The following CORIN variants were observed in gnomAD, a reference collection of about 807,000 sequenced individuals.
CORIN encodes the protein corin, serine peptidase.
Under a neutral mutation model 125.3 loss-of-function variants are expected in CORIN, and 117 were observed. That is an observed-to-expected ratio of 0.93 (90% CI 0.80 to 1.09). CORIN has a LOEUF of 1.09. Among genes scored for constraint, CORIN ranks in the 50% least tolerant of loss-of-function variants. The pLI, the probability that CORIN is intolerant of heterozygous loss-of-function variation, is 0.00. For synonymous variants in CORIN, 450 were observed against 466.4 expected (o/e 0.96, Z 0.45); for missense variants, 1,253 against 1,306.7 (o/e 0.96, Z 0.63).
At chr4:47,714,543 T>C (rs1244333015) in intron 5 of CORIN, among the ~76,000 whole-genome samples, 2 of 152,178 alleles carry the variant, frequency 1.3e-5, no homozygotes, top group South Asian at 2.1e-4. Context: ...TAATGTCCAA[T>C]TCAGAGTTAA....
At chr4:47,603,724 A>T in intron 19 of CORIN, 56 bp from the exon 20 acceptor site, 1 of 1,549,512 alleles carries the variant, frequency 6.5e-7, no homozygotes, top group Non-Finnish European at 8.8e-7. Context: ...ATCATGTGAA[A>T]TTCACATGTA....
intron 1 of CORIN, 25 bp downstream of exon 1, chr4:47,837,862 T>C (rs1417110678): frequency 3.7e-6 from 6 of 1,604,962 alleles, no homozygotes; most frequent in East Asian, 2.2e-5. Context: ...CTGGCTGCGG[T>C]AGGACAGCGA....
rs1553905923 is a variant in CORIN, at chr4:47,632,757, A to ATAGATAGATAGATAGAT, written c.2199-6237_2199-6236insATCTATCTATCTATCTA. The stretch of plus-strand genomic sequence containing the variant: ...TAGATAGATAGATAGATAGATAGAT[A>ATAGATAGATAGATAGAT]GATAGATAGAGATAGATAGTTAGAT... On this transcript the variant is annotated intron_variant, in intron 16 of 21. Coordinates refer to ENST00000273857, the MANE Select transcript of CORIN (RefSeq NM_006587.4). Among the ~76,000 whole-genome samples the ATAGATAGATAGATAGAT allele has an allele frequency of 1.7e-3, 229 of 136,910 alleles. 9 individuals carry two copies. The East Asian group carries it at 0.04, about 24-fold the overall frequency. 89.8% of individuals were successfully genotyped at this position (136,910 alleles called of 152,430 possible).
chr4:47,735,695 C>T (rs1235266797), intron 5 of CORIN, among the ~76,000 whole-genome samples: 7 of 151,944 alleles, frequency 4.6e-5, no homozygotes, highest in East Asian at 3.9e-4. Flanking sequence ...CCGAGGCGGG[C>T]GGATCACGAG....
intron 4 of CORIN, among the ~76,000 whole-genome samples, chr4:47,747,842 T>C (rs553072188): frequency 5.3e-5 from 8 of 152,342 alleles, no homozygotes; most frequent in African/African-American, 1.7e-4. Context: ...TTTTTCATAG[T>C]CCTTTTACTA....
intron 3 of CORIN, among the ~76,000 whole-genome samples, chr4:47,766,868 C>T (rs1419690056): frequency 1.3e-5 from 2 of 150,048 alleles, no homozygotes; most frequent in Admixed American, 1.3e-4. Context: ...ATTGCTTAAA[C>T]TCGGGAGGCG....
intron 1 of CORIN, among the ~76,000 whole-genome samples, chr4:47,816,236 T>C (rs1471624560): frequency 1.3e-5 from 2 of 152,218 alleles, no homozygotes; most frequent in Non-Finnish European, 2.9e-5. Context: ...AATGATGTTA[T>C]GCATTAGATG....
At position 47,809,282 on chromosome 4, in the gene CORIN, A is replaced by T. The variant is rs61756991; in HGVS notation, c.64-2235T>A. On this transcript the variant is annotated intron_variant, in intron 1 of 21. Transcript: ENST00000273857. ...TTATAAGTAAAGAGTCAGTGGAGAA[A>T]ATGCTAGAGGCCCATTTTAATATGT... 9.4e-4 allele frequency among the ~76,000 whole-genome samples: 143 copies of T among 152,286 alleles called. 1 individual carries two copies. Among genetic ancestry groups the T allele is most frequent in the Admixed American group, 3.5e-3 (53 of 15,296 alleles).
intron 3 of CORIN, among the ~76,000 whole-genome samples, chr4:47,778,846 T>C (rs1266692270): frequency 2.6e-5 from 4 of 152,164 alleles, no homozygotes; most frequent in Admixed American, 6.5e-5. Context: ...ACAGTGACTT[T>C]TGGAATATCA....
intron 7 of CORIN, 161 bp from the exon 8 acceptor site, chr4:47,680,412 C>T: frequency 3.5e-6 from 2 of 578,624 alleles, no homozygotes; most frequent in Non-Finnish European, 6.2e-6. Context: ...GCCACGCCCT[C>T]CCCACTCATG....
chr4:47,706,699 C>A lies in CORIN; in HGVS notation c.800-13616G>T, dbSNP rs569351747. On this transcript the variant is annotated intron_variant, in intron 5 of 21. Transcript: ENST00000273857. ...TTGCGGAGGAGCGAGCTGGACGCCA[C>A]TGTGGGGCTCTGGGAGTCCTGAATT... 2.2e-4 allele frequency: 360 copies of A among 1,607,472 alleles called. No individual in the cohort carries two copies. In the African/African-American group the frequency reaches 4.3e-3, roughly 19 times the overall value.
chr4:47,651,834 A>G (rs993839631), intron 13 of CORIN, among the ~76,000 whole-genome samples: 3 of 152,202 alleles, frequency 2.0e-5, no homozygotes, highest in African/African-American at 7.2e-5. Flanking sequence ...TACCAATATG[A>G]TAGTACTTTA....
At chr4:47,692,086 G>A (rs1725799313) in intron 6 of CORIN, among the ~76,000 whole-genome samples, 3 of 150,240 alleles carry the variant, frequency 2.0e-5, no homozygotes, top group Admixed American at 1.3e-4. Context: ...AAACAGACCA[G>A]AAGAATTTTT....
intron 16 of CORIN, among the ~76,000 whole-genome samples, chr4:47,633,006 T>C (rs1722901970): frequency 6.6e-6 from 1 of 152,136 alleles, no homozygotes; most frequent in African/African-American, 2.4e-5. Flanking sequence ...GGTCTCGAAC[T>C]CCTGACCTCA....
chr4:47,720,102 T>C (rs1387096224), intron 5 of CORIN, among the ~76,000 whole-genome samples: 1 of 152,192 alleles, frequency 6.6e-6, no homozygotes, highest in African/African-American at 2.4e-5. Flanking sequence ...AAAAATAGCA[T>C]AAAATGTGCT....
chr4:47,668,258 A>T (rs572929429), intron 10 of CORIN, among the ~76,000 whole-genome samples: 5 of 152,372 alleles, frequency 3.3e-5, no homozygotes, highest in Admixed American at 2.0e-4. Context: ...TAACAATAAA[A>T]ACACTACAAA....
At chr4:47,621,973 A>T (rs932948365) in intron 19 of CORIN, among the ~76,000 whole-genome samples, 34 of 139,258 alleles carry the variant, frequency 2.4e-4, no homozygotes, top group African/African-American at 8.5e-4. Flanking sequence ...AACATTAGGT[A>T]TATCTCCCAA....
intron 16 of CORIN, among the ~76,000 whole-genome samples, chr4:47,627,672 G>C (rs1268225133): frequency 6.6e-6 from 1 of 152,146 alleles, no homozygotes; most frequent in African/African-American, 2.4e-5. Context: ...AAAGTGAGAT[G>C]GAAAGTATAA....
rs143682275 is a variant in CORIN at position 47,817,183 on chromosome 4, A to C, written c.64-10136T>G. The stretch of plus-strand genomic sequence containing the variant: ...GTGTGATCATCACCCTACCTGGAAC[A>C]CAAAGAACACAGAATTTGAATGTCA... On this transcript the variant is annotated intron_variant, in intron 1 of 21. Coordinates refer to ENST00000273857, the MANE Select transcript of CORIN (RefSeq NM_006587.4). 2.0e-5 allele frequency among the ~76,000 whole-genome samples: 3 copies of C among 152,220 alleles called. No homozygotes were observed. In the East Asian group the frequency reaches 5.8e-4, roughly 29 times the overall value.
Sources: allele counts gnomAD v4.1 joint callset (sites outside exome capture counted in the v4.1 genomes callset), GRCh38; gene constraint gnomAD v4.1.1; transcripts MANE v1.5; gene names NCBI Gene and HGNC (gene_info 2026-07-23, HGNC 2026-07-21).